LRGUK: variants seen among roughly 807,000 people sequenced by gnomAD.
The protein encoded by LRGUK is leucine rich repeats and guanylate kinase domain containing, also known as leucine-rich repeat and guanylate kinase domain-containing protein.
LRGUK carries 65 observed loss-of-function variants against 76.0 expected under a neutral mutation model. The ratio of observed to expected loss-of-function variants is 0.85; its 90% CI spans 0.70 to 1.05. The LOEUF (loss-of-function observed/expected upper bound fraction) is 1.05, where lower values mean the gene tolerates loss of function less well. Among genes scored for constraint, LRGUK ranks in the 50% least tolerant of loss-of-function variants. The pLI is 0.00. For synonymous variants in LRGUK, 268 were observed against 265.6 expected (o/e 1.01, Z -0.09); for missense variants, 758 against 732.8 (o/e 1.03, Z -0.40).
At chr7:134,203,611 C>G (rs571388810) in intron 15 of LRGUK, among the ~76,000 whole-genome samples, 1 of 152,074 alleles carries the variant, frequency 6.6e-6, no homozygotes, top group Non-Finnish European at 1.5e-5. Context: ...ATGAAGTGAC[C>G]AGGGTATGAC....
intron 16 of LRGUK, among the ~76,000 whole-genome samples, chr7:134,244,659 A>G (rs574852651): frequency 6.6e-6 from 1 of 152,226 alleles, no homozygotes; most frequent in Non-Finnish European, 1.5e-5. Context: ...TTCCTCAAGC[A>G]TCTAGAACTA....
chr7:134,165,028 A>T (rs1798911794), intron 7 of LRGUK, among the ~76,000 whole-genome samples: 1 of 152,198 alleles, frequency 6.6e-6, no homozygotes, highest in Non-Finnish European at 1.5e-5. Context: ...TGATTTTCAG[A>T]AAATTTCTTA....
chr7:134,147,902 A>G (rs1213672470), intron 4 of LRGUK, among the ~76,000 whole-genome samples: 1 of 152,096 alleles, frequency 6.6e-6, no homozygotes, highest in Non-Finnish European at 1.5e-5. Flanking sequence ...TCTACTAAAA[A>G]TACAAAAAAA....
downstream of LRGUK, chr7:134,210,264 G>A: frequency 2.5e-6 from 1 of 398,848 alleles, no homozygotes; most frequent in Non-Finnish European, 4.4e-6. Flanking sequence ...TAGTATTTCA[G>A]TGTGTAACTG....
At chr7:134,212,019 T>C (rs1279435568), downstream of LRGUK, among the ~76,000 whole-genome samples, 2 of 152,210 alleles carry the variant, frequency 1.3e-5, no homozygotes, top group Non-Finnish European at 2.9e-5. Context: ...GGACTACAGA[T>C]GACTCTATCA....
At chr7:134,146,629 T>G (rs939172910) in intron 4 of LRGUK, among the ~76,000 whole-genome samples, 2 of 152,236 alleles carry the variant, frequency 1.3e-5, no homozygotes, top group African/African-American at 4.8e-5. Flanking sequence ...CTAACTTGTA[T>G]TTTACTAAGT....
At chr7:134,259,240 G>A (rs1802660720) in intron 19 of LRGUK, among the ~76,000 whole-genome samples, 1 of 152,136 alleles carries the variant, frequency 6.6e-6, no homozygotes, top group African/African-American at 2.4e-5. Context: ...TTTCTCTCTG[G>A]GCTCCGCGGC....
At chr7:134,193,037 T>C (rs933413696) in intron 12 of LRGUK, among the ~76,000 whole-genome samples, 2 of 152,234 alleles carry the variant, frequency 1.3e-5, no homozygotes, top group Non-Finnish European at 2.9e-5. Flanking sequence ...TTGCAGTTTC[T>C]ATGAGTTTAA....
intron 18 of LRGUK, among the ~76,000 whole-genome samples, chr7:134,251,668 G>A (rs774205396): frequency 7.9e-5 from 12 of 151,848 alleles, no homozygotes; most frequent in South Asian, 2.1e-4. Context: ...AGCTACTATC[G>A]TATGCACTAT....
intron 16 of LRGUK, among the ~76,000 whole-genome samples, chr7:134,239,977 C>T (rs552591366): frequency 1.3e-5 from 2 of 152,340 alleles, no homozygotes; most frequent in South Asian, 2.1e-4. Flanking sequence ...GACAGACCTG[C>T]AGCTGAGGGT....
intron 5 of LRGUK, among the ~76,000 whole-genome samples, chr7:134,152,604 G>A (rs978869314): frequency 1.3e-5 from 2 of 152,056 alleles, no homozygotes; most frequent in Non-Finnish European, 2.9e-5. Context: ...TGGAGAACTT[G>A]TAGATCCAGA....
At chr7:134,252,659 C>CAG (rs1802479196) in intron 18 of LRGUK, among the ~76,000 whole-genome samples, 2 of 152,134 alleles carry the variant, frequency 1.3e-5, no homozygotes, top group African/African-American at 4.8e-5. Context: ...TAGGCAGGTG[C>CAG]CTATGCCCAG....
At chr7:134,145,604 T>C (rs1158066031) in intron 4 of LRGUK, among the ~76,000 whole-genome samples, 1 of 152,206 alleles carries the variant, frequency 6.6e-6, no homozygotes, top group Admixed American at 6.5e-5. Context: ...GCTGTCCTGA[T>C]ATTGTCCTGA....
chr7:134,261,631 T>C (rs1802731148), intron 19 of LRGUK, among the ~76,000 whole-genome samples: 1 of 152,244 alleles, frequency 6.6e-6, no homozygotes, highest in Non-Finnish European at 1.5e-5. Context: ...CAAATCTCTG[T>C]AGTGGAACCC....
At chr7:134,220,219 A>G (rs1801552118) in intron 15 of LRGUK, among the ~76,000 whole-genome samples, 1 of 152,014 alleles carries the variant, frequency 6.6e-6, no homozygotes, top group Non-Finnish European at 1.5e-5. Flanking sequence ...TCCTTTCTAT[A>G]TTGTTCTATT....
chr7:134,201,376 A>G (rs1800761360), intron 14 of LRGUK, 105 bp from the exon 15 acceptor site: 3 of 824,050 alleles, frequency 3.6e-6, no homozygotes, highest in Admixed American at 4.3e-5. Context: ...CTACCATAAT[A>G]TATATAAAAT....
Position 134,258,447 on chromosome 7 carries a change from C to T in LRGUK, c.2347+42C>T, listed in dbSNP as rs759490510. 8 of 1,584,512 alleles carry T rather than the reference C, an allele frequency of 5.0e-6. No individual in the cohort carries two copies. The South Asian group carries it at 7.9e-5, about 16-fold the overall frequency. On this transcript the variant is annotated intron_variant, in intron 19 of 19. Coordinates refer to the LRGUK transcript ENST00000285928. ...GCGCGGTGGCTCATGCCTGTAATCC[C>T]AGCACTTTGGGAGGCCGAGGCGAAT...
intron 1 of LRGUK, among the ~76,000 whole-genome samples, chr7:134,131,467 T>C (rs1797303608): frequency 6.6e-6 from 1 of 152,168 alleles, no homozygotes; most frequent in South Asian, 2.1e-4. Flanking sequence ...CATGGAAGAC[T>C]TCAGGGGAAG....
chr7:134,269,924 A>G, the LRGUK span, among the ~76,000 whole-genome samples: 1 of 152,186 alleles, frequency 6.6e-6, no homozygotes. Context: ...ATAAAAGTCT[A>G]GGAATACAGG....
Sources: allele counts gnomAD v4.1 joint callset (sites outside exome capture counted in the v4.1 genomes callset), GRCh38; gene constraint gnomAD v4.1.1; transcripts MANE v1.5; gene names NCBI Gene and HGNC (gene_info 2026-07-23, HGNC 2026-07-21).